Variants in NRG3 observed in about 807,000 individuals in gnomAD.
The protein encoded by NRG3 is neuregulin 3.
NRG3 carries 31 observed loss-of-function variants against 66.9 expected under a neutral mutation model. That is an observed-to-expected ratio of 0.46 (90% CI 0.35 to 0.63). NRG3 has a LOEUF of 0.63. NRG3 is among the 20% of genes least tolerant of loss of function. NRG3 has a pLI of 0.00. For synonymous variants in NRG3, 393 were observed against 359.4 expected (o/e 1.09, Z -1.06); for missense variants, 910 against 878.9 (o/e 1.04, Z -0.45).
chr10:82,106,830 G>A (rs554851683), intron 1 of NRG3, among the ~76,000 whole-genome samples: 1 of 152,092 alleles, frequency 6.6e-6, no homozygotes, highest in South Asian at 2.1e-4. Flanking sequence ...TTTATCCAGG[G>A]ATCTACAAAA....
intron 2 of NRG3, among the ~76,000 whole-genome samples, chr10:82,671,424 G>T (rs959817846): frequency 6.6e-6 from 1 of 152,156 alleles, no homozygotes; most frequent in Non-Finnish European, 1.5e-5. Flanking sequence ...TTGACTCCCC[G>T]TTAAGGAGCA....
intron 1 of NRG3, among the ~76,000 whole-genome samples, chr10:82,086,359 A>G (rs1367525996): frequency 1.3e-5 from 2 of 152,132 alleles, no homozygotes; most frequent in Non-Finnish European, 2.9e-5. Flanking sequence ...TAAATATCAG[A>G]TCTTACTTTA....
At chr10:82,141,067 G>A in intron 1 of NRG3, among the ~76,000 whole-genome samples, 1 of 152,024 alleles carries the variant, frequency 6.6e-6, no homozygotes, top group East Asian at 1.9e-4. Flanking sequence ...ACCAGTTGAA[G>A]GATGTTTCTT....
chr10:82,414,292 G>A (rs146871258), intron 2 of NRG3, among the ~76,000 whole-genome samples: 200 of 152,266 alleles, frequency 1.3e-3, no homozygotes, highest in African/African-American at 4.4e-3. Flanking sequence ...AGAAGAGGGA[G>A]AGAGAAAGGG....
intron 3 of NRG3, among the ~76,000 whole-genome samples, chr10:82,786,624 G>A (rs1423077638): frequency 6.6e-6 from 1 of 152,136 alleles, no homozygotes; most frequent in East Asian, 1.9e-4. Flanking sequence ...GAACTTTTGA[G>A]GTGATGCTGG....
intron 1 of NRG3, among the ~76,000 whole-genome samples, chr10:82,103,465 T>A (rs1456511351): frequency 1.3e-5 from 2 of 152,196 alleles, no homozygotes; most frequent in Non-Finnish European, 2.9e-5. Context: ...TGTGGGTGAT[T>A]GATCCAATGT....
intron 2 of NRG3, among the ~76,000 whole-genome samples, chr10:82,738,053 T>A (rs1013068989): frequency 6.9e-6 from 1 of 144,680 alleles, no homozygotes; most frequent in Non-Finnish European, 1.5e-5. Context: ...GAGGTGACAC[T>A]GACTTGGAAG....
intron 2 of NRG3, among the ~76,000 whole-genome samples, chr10:82,616,197 G>T (rs142654194): frequency 0.025 from 3,844 of 152,156 alleles, 58 homozygotes; most frequent in Non-Finnish European, 0.037. Flanking sequence ...ATCTTCTTTT[G>T]CTATTCAGGA....
At chr10:82,891,279 C>G (rs1843127246) in intron 4 of NRG3, among the ~76,000 whole-genome samples, 2 of 151,876 alleles carry the variant, frequency 1.3e-5, no homozygotes, top group East Asian at 3.9e-4. Context: ...AATACATATT[C>G]TTTCTGTGCA....
At chr10:82,596,809 A>G (rs1000108675) in intron 2 of NRG3, among the ~76,000 whole-genome samples, 3 of 152,188 alleles carry the variant, frequency 2.0e-5, no homozygotes, top group African/African-American at 7.2e-5. Context: ...GTCTATGGCA[A>G]TGCTCCAAGG....
chr10:82,643,411 C>T (rs2050715460), intron 2 of NRG3, among the ~76,000 whole-genome samples: 1 of 152,042 alleles, frequency 6.6e-6, no homozygotes, highest in Non-Finnish European at 1.5e-5. Flanking sequence ...GTGAGGCCTC[C>T]CCAGCCATAT....
chr10:82,892,546 G>C (rs1843250398), intron 4 of NRG3, among the ~76,000 whole-genome samples: 1 of 151,886 alleles, frequency 6.6e-6, no homozygotes, highest in South Asian at 2.1e-4. Context: ...CAGGCCTGTG[G>C]TACTAGATAC....
At chr10:82,100,682 T>C (rs1038820616) in intron 1 of NRG3, among the ~76,000 whole-genome samples, 4 of 152,098 alleles carry the variant, frequency 2.6e-5, no homozygotes, top group Admixed American at 2.0e-4. Context: ...TTTTAAAATA[T>C]TAAGTCATCT....
At chr10:82,892,075 C>A (rs1160522136) in intron 4 of NRG3, among the ~76,000 whole-genome samples, 2 of 152,006 alleles carry the variant, frequency 1.3e-5, no homozygotes, top group African/African-American at 4.8e-5. Flanking sequence ...AAGTGTTAAA[C>A]CAATTATGCA....
intron 1 of NRG3, among the ~76,000 whole-genome samples, chr10:82,229,933 A>C (rs1017689176): frequency 1.3e-5 from 2 of 152,224 alleles, no homozygotes; most frequent in African/African-American, 4.8e-5. Context: ...AAATGAAACA[A>C]AATAAATTAA....
intron 2 of NRG3, among the ~76,000 whole-genome samples, chr10:82,439,035 T>A (rs531814100): frequency 6.6e-6 from 1 of 152,258 alleles, no homozygotes; most frequent in South Asian, 2.1e-4. Context: ...TACTATACCT[T>A]TGTGTTTATT....
chr10:81,927,021 A>G (rs1032398230), intron 1 of NRG3, among the ~76,000 whole-genome samples: 8 of 152,210 alleles, frequency 5.3e-5, no homozygotes, highest in African/African-American at 1.9e-4. Flanking sequence ...CTTAAAAATA[A>G]AACTAACCAA....
At chr10:82,909,561 C>T (rs1020355205) in intron 4 of NRG3, among the ~76,000 whole-genome samples, 4 of 152,120 alleles carry the variant, frequency 2.6e-5, no homozygotes, top group African/African-American at 9.7e-5. Flanking sequence ...TCTGTGCACA[C>T]CTAGATACTC....
At chr10:81,951,823 A>G (rs1447590596) in intron 1 of NRG3, among the ~76,000 whole-genome samples, 3 of 152,224 alleles carry the variant, frequency 2.0e-5, no homozygotes, top group East Asian at 3.9e-4. Flanking sequence ...ACATGCACAC[A>G]TATGTTTACT....
Sources: allele counts gnomAD v4.1 joint callset (sites outside exome capture counted in the v4.1 genomes callset), GRCh38; gene constraint gnomAD v4.1.1; transcripts MANE v1.5; gene names NCBI Gene and HGNC (gene_info 2026-07-23, HGNC 2026-07-21).